COL23A1: variants seen among roughly 807,000 people sequenced by gnomAD.
The protein encoded by COL23A1 is collagen type XXIII alpha 1 chain.
Under a neutral mutation model 99.3 loss-of-function variants are expected in COL23A1, and 97 were observed. The observed-to-expected ratio is 0.98, with a 90% CI of 0.83 to 1.16. COL23A1 has a LOEUF of 1.16. COL23A1 is among the 50% of genes most tolerant of loss of function. The pLI, the probability that COL23A1 is intolerant of heterozygous loss-of-function variation, is 0.00. For synonymous variants in COL23A1, 320 were observed against 308.2 expected, an observed-to-expected ratio of 1.04 and a Z score of -0.40; for missense variants, 762 against 757.4, an observed-to-expected ratio of 1.01 and a Z score of -0.07.
chr5:178,518,639 G>A (rs1206942486), intron 2 of COL23A1, among the ~76,000 whole-genome samples: 13 of 122,928 alleles, frequency 1.1e-4, no homozygotes, highest in Admixed American at 3.7e-4. Context: ...GGGCAGAGAC[G>A]CTCCTCACTT....
At chr5:178,512,020 C>T (rs2127995251) in intron 2 of COL23A1, among the ~76,000 whole-genome samples, 1 of 152,318 alleles carries the variant, frequency 6.6e-6, no homozygotes, top group South Asian at 2.1e-4. Flanking sequence ...GTAACTGAAG[C>T]TTCAGAAACC....
intron 2 of COL23A1, among the ~76,000 whole-genome samples, chr5:178,481,130 T>G (rs1317991902): frequency 3.6e-5 from 1 of 27,814 alleles, no homozygotes; most frequent in Non-Finnish European, 7.6e-5. Flanking sequence ...AGACTGTCTC[T>G]CAAAAAAAAA....
chr5:178,329,441 G>A (rs1341502847), intron 2 of COL23A1, among the ~76,000 whole-genome samples: 1 of 152,138 alleles, frequency 6.6e-6, no homozygotes, highest in Non-Finnish European at 1.5e-5. Flanking sequence ...CCAGCCAGGA[G>A]GCAGATAGTC....
chr5:178,276,345 CTT>C (rs1756584355), intron 5 of COL23A1, among the ~76,000 whole-genome samples: 1 of 152,226 alleles, frequency 6.6e-6, no homozygotes, highest in Non-Finnish European at 1.5e-5. Flanking sequence ...GCCTGTCTTG[CTT>C]TCTGGCTGTA....
At position 178,262,254 on chromosome 5, in the gene COL23A1, T is replaced by C. The variant is rs866669716; in HGVS notation, c.640-2A>G. 1.3e-6 allele frequency: 2 copies of C among 1,579,984 alleles called. No individual in the cohort carries two copies. On this transcript the variant is annotated splice_acceptor_variant, in intron 9 of 28. Coordinates refer to ENST00000390654, the MANE Select transcript of COL23A1 (RefSeq NM_173465.4). LOFTEE classifies it high-confidence loss of function. Reference sequence around the variant, plus strand: ...TTGTCCGGGCTCTCCTTTGGGGCCCTGCGGAAGTGTGAGGGGACAGCAGTG... The same window carrying C: ...TTGTCCGGGCTCTCCTTTGGGGCCCCGCGGAAGTGTGAGGGGACAGCAGTG...
rs1322234791 is a variant in COL23A1, at chr5:178,365,141, G to A, written c.362-58222C>T. Among the ~76,000 whole-genome samples the A allele has an allele frequency of 2.2e-4, 8 of 37,000 alleles. No individual in the cohort carries two copies. The highest frequency in any genetic ancestry group is 7.3e-4 in the African/African-American group (8 of 10,982). 24.3% of individuals were successfully genotyped at this position (37,000 alleles called of 152,430 possible). A position where few individuals can be genotyped will look rare whatever the true frequency, so the allele number is the denominator to read the frequency against. Reference sequence around the variant, plus strand: ...TTATGATGTTGCTGTGTGTGCGTGTGTGTGTGTGTGTGTGTGTGTGTGTGT... The same window carrying A: ...TTATGATGTTGCTGTGTGTGCGTGTATGTGTGTGTGTGTGTGTGTGTGTGT... On this transcript the variant is annotated intron_variant, in intron 2 of 28. Transcript: ENST00000390654. This position sits in a 1 kb window ranked among gnomAD's most constrained non-coding sequence, Gnocchi z 5.2.
chr5:178,271,473 A>G (rs1756284411), intron 5 of COL23A1, among the ~76,000 whole-genome samples: 1 of 152,164 alleles, frequency 6.6e-6, no homozygotes, highest in Non-Finnish European at 1.5e-5. Context: ...GAGTCAGGCC[A>G]TCTGTCCCTG....
intron 2 of COL23A1, among the ~76,000 whole-genome samples, chr5:178,324,751 G>A (rs1581154963): frequency 6.6e-6 from 1 of 152,190 alleles, no homozygotes; most frequent in Admixed American, 6.5e-5. Context: ...CAGTTCTAAC[G>A]GAAATGGGTC....
intron 5 of COL23A1, among the ~76,000 whole-genome samples, chr5:178,272,083 C>T (rs1003213353): frequency 2.6e-5 from 4 of 152,222 alleles, no homozygotes; most frequent in East Asian, 1.9e-4. Flanking sequence ...CTGTCCGTCC[C>T]GAGCTCTCTG....
At chr5:178,247,723 G>A (rs748528112) in intron 21 of COL23A1, 52 bp downstream of exon 21, 22 of 1,583,628 alleles carry the variant, frequency 1.4e-5, no homozygotes, top group Middle Eastern at 1.7e-4. Context: ...CCCCCACCCC[G>A]CCTCTTGGTT....
At chr5:178,374,102 C>A (rs191183571) in intron 2 of COL23A1, among the ~76,000 whole-genome samples, 1 of 152,162 alleles carries the variant, frequency 6.6e-6, no homozygotes, top group Admixed American at 6.5e-5. Flanking sequence ...TCTCAGCACA[C>A]GCCAGCTTCT....
intron 1 of COL23A1, among the ~76,000 whole-genome samples, chr5:178,570,986 G>A (rs183734938): frequency 1.2e-3 from 177 of 152,248 alleles, no homozygotes; most frequent in Admixed American, 2.4e-3. Flanking sequence ...CTAGGGCACC[G>A]CAGACAGCAT....
intron 2 of COL23A1, among the ~76,000 whole-genome samples, chr5:178,427,769 T>C (rs1202612100): frequency 6.6e-6 from 1 of 151,846 alleles, no homozygotes; most frequent in Non-Finnish European, 1.5e-5. Context: ...ACTATGGAGA[T>C]GGTGAAAAGA....
chr5:178,277,625 G>A (rs1756663222), intron 5 of COL23A1, among the ~76,000 whole-genome samples: 1 of 152,216 alleles, frequency 6.6e-6, no homozygotes, highest in Non-Finnish European at 1.5e-5. Context: ...TCAGCTCTAT[G>A]ATGCTGTGAG....
At chr5:178,518,202 C>T (rs974012668) in intron 2 of COL23A1, among the ~76,000 whole-genome samples, 1 of 140,968 alleles carries the variant, frequency 7.1e-6, no homozygotes, top group Non-Finnish European at 1.5e-5. Flanking sequence ...TCAGAGAGCA[C>T]GGGGTTGGGG....
intron 2 of COL23A1, among the ~76,000 whole-genome samples, chr5:178,394,852 C>G (rs1270616852): frequency 6.6e-6 from 1 of 152,202 alleles, no homozygotes; most frequent in Non-Finnish European, 1.5e-5. Context: ...AAGCAGCATT[C>G]GGCTCTCAGC....
intron 7 of COL23A1, among the ~76,000 whole-genome samples, chr5:178,268,050 G>A (rs1756004494): frequency 1.3e-5 from 2 of 152,236 alleles, no homozygotes; most frequent in Admixed American, 6.5e-5. Flanking sequence ...AGCCCTGGTG[G>A]TTGGGCGGGA....
Position 178,363,662 on chromosome 5 carries a change from A to T in COL23A1, c.362-56743T>A, listed in dbSNP as rs911682366. Among the ~76,000 whole-genome samples, 12 of 152,268 alleles carry T rather than the reference A, an allele frequency of 7.9e-5. No homozygotes were observed. In the East Asian group the frequency reaches 2.3e-3, roughly 29 times the overall value. The stretch of plus-strand genomic sequence containing the variant: ...CACAGTCCCACAGGAGCGCCCCGTC[A>T]CTCGGCCACAGAGCCGATGGCTGCT... On this transcript the variant is annotated intron_variant, in intron 2 of 28. Transcript: ENST00000390654.
intron 2 of COL23A1, among the ~76,000 whole-genome samples, chr5:178,375,505 G>A (rs2039249571): frequency 6.6e-6 from 1 of 152,188 alleles, no homozygotes; most frequent in Admixed American, 6.5e-5. Context: ...ACACAGAGTC[G>A]ATGGTCTCAC....
Sources: allele counts gnomAD v4.1 joint callset (sites outside exome capture counted in the v4.1 genomes callset), GRCh38; gene constraint gnomAD v4.1.1; non-coding constraint Gnocchi (gnomAD v3.1); transcripts MANE v1.5; gene names NCBI Gene and HGNC (gene_info 2026-07-23, HGNC 2026-07-21).